SLC35D4: variants seen among roughly 807,000 people sequenced by gnomAD.
SLC35D4 encodes UDP-N-acetylglucosamine transporter SLC35D4.
the SLC35D4 span, among the ~76,000 whole-genome samples, chr18:23,248,512 CTTTTTTTTTTTT>C: frequency 1.4e-4 from 13 of 90,714 alleles, no homozygotes; most frequent in Non-Finnish European, 2.3e-4. Context: ...GACCCTATGT[CTTTTTTTTTTTT>C]TTTTTTTTTT....
chr18:23,242,278 C>CA, the SLC35D4 span, among the ~76,000 whole-genome samples: 1,154 of 149,682 alleles, frequency 7.7e-3, 7 homozygotes, highest in African/African-American at 0.023. Flanking sequence ...AACTCTGTCT[C>CA]AAAAAAAAAA....
At chr18:23,402,141 T>C in the SLC35D4 span, among the ~76,000 whole-genome samples, 1 of 152,226 alleles carries the variant, frequency 6.6e-6, no homozygotes, top group South Asian at 2.1e-4. Context: ...GCTGTCAGTG[T>C]GACGGCTGTC....
chr18:23,397,321 C>A, the SLC35D4 span, among the ~76,000 whole-genome samples: 1 of 152,210 alleles, frequency 6.6e-6, no homozygotes. Context: ...CTGATCCAAT[C>A]AGAGTGAAGC....
chr18:23,410,792 C>T, the SLC35D4 span, among the ~76,000 whole-genome samples: 1 of 152,140 alleles, frequency 6.6e-6, no homozygotes, highest in African/African-American at 2.4e-5. Flanking sequence ...AGTGAGACTC[C>T]ATCTCAAAAA....
the SLC35D4 span, among the ~76,000 whole-genome samples, chr18:23,301,094 G>T: frequency 6.6e-6 from 1 of 152,234 alleles, no homozygotes; most frequent in African/African-American, 2.4e-5. Context: ...GTAGATGGGA[G>T]AAGTCCCAAA....
the SLC35D4 span, among the ~76,000 whole-genome samples, chr18:23,432,131 A>G: frequency 6.6e-6 from 1 of 152,160 alleles, no homozygotes; most frequent in East Asian, 1.9e-4. Flanking sequence ...TATGGAGAAA[A>G]GGAAAGGATT....
the SLC35D4 span, among the ~76,000 whole-genome samples, chr18:23,415,235 T>A: frequency 6.6e-6 from 1 of 152,212 alleles, no homozygotes. Flanking sequence ...AGATACTTGT[T>A]ACGGTTCTCC....
the SLC35D4 span, among the ~76,000 whole-genome samples, chr18:23,304,351 T>C: frequency 2.0e-3 from 297 of 145,370 alleles, 2 homozygotes; most frequent in African/African-American, 7.3e-3. Context: ...TGGGGAAAAG[T>C]CTCAAGAATT....
chr18:23,253,094 CT>C, the SLC35D4 span: 1 of 1,314,106 alleles, frequency 7.6e-7, no homozygotes. Context: ...TGCCTGTGAC[CT>C]TTCCCTGCAA....
At chr18:23,402,152 T>C in the SLC35D4 span, among the ~76,000 whole-genome samples, 2 of 152,186 alleles carry the variant, frequency 1.3e-5, no homozygotes, top group African/African-American at 2.4e-5. Flanking sequence ...GACGGCTGTC[T>C]TTCTCCACCA....
the SLC35D4 span, among the ~76,000 whole-genome samples, chr18:23,250,342 G>C: frequency 2.6e-5 from 4 of 152,072 alleles, no homozygotes; most frequent in East Asian, 1.9e-4. Context: ...TGCCTGGATT[G>C]GGGGGTGAGG....
At chr18:23,241,172 C>T in the SLC35D4 span, among the ~76,000 whole-genome samples, 1 of 152,294 alleles carries the variant, frequency 6.6e-6, no homozygotes, top group South Asian at 2.1e-4. Flanking sequence ...TTCCTTCATA[C>T]AACTTAACAT....
At chr18:23,398,520 G>C in the SLC35D4 span, among the ~76,000 whole-genome samples, 4,114 of 152,296 alleles carry the variant, frequency 0.027, 93 homozygotes, top group Non-Finnish European at 0.042. Context: ...CGTGGTCTGA[G>C]CTGAGCAGCA....
chr18:23,292,532 A>C, the SLC35D4 span, among the ~76,000 whole-genome samples: 2 of 152,234 alleles, frequency 1.3e-5, no homozygotes, highest in Non-Finnish European at 2.9e-5. Flanking sequence ...CTTCAGGAAG[A>C]GTCACAAATC....
chr18:23,325,619 A>G, the SLC35D4 span, among the ~76,000 whole-genome samples: 1 of 152,224 alleles, frequency 6.6e-6, no homozygotes, highest in East Asian at 1.9e-4. Flanking sequence ...ACATTCAAGC[A>G]TATGTTCCAA....
chr18:23,249,832 G>C, the SLC35D4 span, among the ~76,000 whole-genome samples: 2 of 152,116 alleles, frequency 1.3e-5, no homozygotes, highest in African/African-American at 4.8e-5. Context: ...GAGCTACTCT[G>C]TGCTGCTTAT....
chr18:23,368,712 T>A, the SLC35D4 span: 72 of 1,380,088 alleles, frequency 5.2e-5, no homozygotes, highest in East Asian at 1.1e-3. Flanking sequence ...AATTATATTT[T>A]ACCTGAATAT....
At chr18:23,255,043 T>C in the SLC35D4 span, among the ~76,000 whole-genome samples, 2 of 152,158 alleles carry the variant, frequency 1.3e-5, no homozygotes, top group African/African-American at 2.4e-5. Flanking sequence ...TTGAATAGTT[T>C]TGATGGGCTG....
At chr18:23,257,069 A>G in the SLC35D4 span, 1 of 759,386 alleles carries the variant, frequency 1.3e-6, no homozygotes, top group Non-Finnish European at 2.1e-6. Flanking sequence ...GAAGGCAGGA[A>G]GCACAGCCTG....
Sources: allele counts gnomAD v4.1 joint callset (sites outside exome capture counted in the v4.1 genomes callset), GRCh38; gene constraint gnomAD v4.1.1; transcripts MANE v1.5; gene names NCBI Gene and HGNC (gene_info 2026-07-23, HGNC 2026-07-21).